IL18BP: variants seen among roughly 807,000 people sequenced by gnomAD.
IL18BP encodes interleukin 18 binding protein, also known as interleukin-18-binding protein.
IL18BP carries 23 observed loss-of-function variants against 19.9 expected under a neutral mutation model. The observed-to-expected ratio is 1.15, with a 90% confidence interval of 0.83 to 1.64. The LOEUF (loss-of-function observed/expected upper bound fraction) is 1.64. IL18BP is among the 40% of genes most tolerant of loss of function. The pLI, the probability that IL18BP is intolerant of heterozygous loss-of-function variation, is 0.00. For missense variants in IL18BP, 239 were observed against 240.7 expected (o/e 0.99, Z 0.05); for synonymous variants, 107 against 101.0 (o/e 1.06, Z -0.35).
downstream of IL18BP, chr11:72,003,314 T>TAG (rs1233521041): frequency 1.5e-5 from 9 of 592,384 alleles, no homozygotes; most frequent in Admixed American, 2.7e-4. Flanking sequence ...GCGCCCACAC[T>TAG]GTCCATGCTC....
At chr11:72,004,180 G>A (rs1194161121), downstream of IL18BP, 1 of 1,603,678 alleles carries the variant, frequency 6.2e-7, no homozygotes, top group East Asian at 2.2e-5. Flanking sequence ...TATCAGCAAG[G>A]TCCCGCCAGG....
At chr11:72,008,122 A>G (rs974470100), downstream of IL18BP, 3 of 479,228 alleles carry the variant, frequency 6.3e-6, no homozygotes, top group Admixed American at 2.3e-5. Context: ...CAAATCAGGT[A>G]TAATTGTCAT....
chr11:72,005,491 C>A, downstream of IL18BP: 13 of 885,370 alleles, frequency 1.5e-5, no homozygotes, highest in South Asian at 2.0e-4. Context: ...GCACACCAGT[C>A]TGATTCAGTG....
chr11:72,005,215 A>G (rs758550791), downstream of IL18BP: 2 of 1,575,112 alleles, frequency 1.3e-6, no homozygotes, highest in Admixed American at 3.8e-5. Context: ...GGCCCTGCAC[A>G]GTGACCCCAG....
chr11:71,999,768 G>A (rs1475099076), intron 1 of IL18BP, 159 bp from the exon 2 acceptor site: 6 of 583,374 alleles, frequency 1.0e-5, no homozygotes, highest in African/African-American at 9.4e-5. Context: ...TGAGAGCTGG[G>A]GTGGGGAAGG....
Position 72,001,298 on chromosome 11 carries a change from A to G in IL18BP, c.333A>G (p.Pro111=). ...LGNGSFIEHL[P]GRLWEGSTSR... ...ATGGTTCCTTCATTGAGCACCTCCC[A>G]GGCCGACTGTGGGAGGGGAGCACCA... The change falls in exon 4 of 6, where the codon CCA becomes CCG. Residue 111 remains proline (P), a synonymous_variant. Transcript: ENST00000393703. 6.2e-7 allele frequency: 1 copy of G among 1,614,222 alleles called. No homozygotes were observed. The highest frequency in any genetic ancestry group is 8.5e-7 in the Non-Finnish European group (1 of 1,180,040).
downstream of IL18BP, chr11:72,007,410 C>T (rs1366155202): frequency 4.3e-6 from 7 of 1,613,686 alleles, no homozygotes; most frequent in African/African-American, 1.3e-5. Context: ...ACGCTGGTGC[C>T]GTCTGGCTGG....
chr11:72,004,478 C>G, downstream of IL18BP: 1 of 1,200,874 alleles, frequency 8.3e-7, no homozygotes, highest in Non-Finnish European at 1.2e-6. Context: ...TGGGCCAGAT[C>G]CTTCCCTTCC....
chr11:72,006,827 T>C (rs2735787), downstream of IL18BP, among the ~76,000 whole-genome samples: 141,182 of 152,306 alleles, frequency 0.93, 65,681 homozygotes, highest in Non-Finnish European at 0.98. Flanking sequence ...CAAGGGCCTG[T>C]AGCCTGTCAG....
At position 72,001,893 on chromosome 11, in the gene IL18BP, T is replaced by C; in HGVS notation, c.*32T>C. On this transcript the variant is annotated 3_prime_UTR_variant, in exon 6 of 6. Transcript: ENST00000393703. ...GCACAGGGCCAGCAGCAGCACAACC[T>C]TGACCAGAGCTTGGGTCCTACCTGT... The C allele has an allele frequency of 6.2e-7, 1 of 1,613,832 alleles. No homozygotes were observed. The highest frequency in any genetic ancestry group is 8.5e-7 in the Non-Finnish European group (1 of 1,179,836).
chr11:71,999,974 A>G lies in IL18BP; in HGVS notation c.-11A>G. 1 of 1,613,812 alleles carries G rather than the reference A, an allele frequency of 6.2e-7. No individual in the cohort carries two copies. The highest frequency in any genetic ancestry group is 1.1e-5 in the South Asian group (1 of 91,058). ...AAAGAGCCAGGCTCACCAGCTCCTG[A>G]CGCATGCATCATGACCATGAGACAC... On this transcript the variant is annotated 5_prime_UTR_variant, in exon 2 of 6. Coordinates refer to ENST00000393703, the MANE Select transcript of IL18BP (RefSeq NM_001039660.2).
downstream of IL18BP, chr11:72,004,298 C>T (rs200315034): frequency 1.9e-5 from 30 of 1,613,244 alleles, no homozygotes; most frequent in Middle Eastern, 1.6e-4. Flanking sequence ...ATGTCGGTCT[C>T]GGGGAGTCAT....
chr11:72,000,920 G>A (rs1393034825), intron 3 of IL18BP, among the ~76,000 whole-genome samples: 4 of 152,222 alleles, frequency 2.6e-5, no homozygotes, highest in African/African-American at 7.2e-5. Flanking sequence ...CCAAGTCACC[G>A]AGGCTGGGCA....
downstream of IL18BP, chr11:72,007,172 T>TCC: frequency 6.2e-7 from 1 of 1,604,416 alleles, no homozygotes; most frequent in Non-Finnish European, 8.5e-7. Context: ...CTGCAGCCCC[T>TCC]GTCCCAGCAG....
chr11:72,004,856 A>G (rs1955574658), downstream of IL18BP: 3 of 1,515,948 alleles, frequency 2.0e-6, no homozygotes, highest in East Asian at 2.3e-5. Flanking sequence ...CCATAGCTGT[A>G]TGGAGATGGA....
chr11:72,000,276 G>A, intron 2 of IL18BP, 75 bp from the exon 3 acceptor site: 1 of 1,329,166 alleles, frequency 7.5e-7, no homozygotes, highest in African/African-American at 1.4e-5. Flanking sequence ...GACATCTCTG[G>A]GCTGGAGTTA....
chr11:72,002,402 G>GT lies in IL18BP; in HGVS notation c.*551dup, dbSNP rs5792567. 0.82 allele frequency: 125,342 copies of GT among 152,958 alleles called. 52,523 individuals carry two copies. Among genetic ancestry groups the GT allele is most frequent in the Non-Finnish European group, 0.92 (64,043 of 69,298 alleles). The allele number at this position is 152,958 out of a possible 1,614,324, so 9.5% of individuals were successfully genotyped here. A position where few individuals can be genotyped will look rare whatever the true frequency, so the allele number is the denominator to read the frequency against. ...CAGACTTCCTATCTTCGTGCTGTATGTTTTTTTTTTCCCCCTTCACTCTAA... is the reference window on the plus strand; with the variant it reads ...CAGACTTCCTATCTTCGTGCTGTATGTTTTTTTTTTTCCCCCTTCACTCTAA... On this transcript the variant is annotated 3_prime_UTR_variant, in exon 6 of 6. Coordinates refer to ENST00000393703, the MANE Select transcript of IL18BP (RefSeq NM_001039660.2).
At chr11:72,004,817 C>A, downstream of IL18BP, 1 of 1,564,766 alleles carries the variant, frequency 6.4e-7, no homozygotes, top group South Asian at 1.2e-5. Flanking sequence ...TCAGGGAAGG[C>A]TGCATGGGTG....
downstream of IL18BP, chr11:72,006,012 G>T (rs1448186759): frequency 3.2e-6 from 5 of 1,567,574 alleles, no homozygotes; most frequent in Non-Finnish European, 4.4e-6. Context: ...TTGGGGTATA[G>T]TAAGTCCCTG....
Sources: gnomAD v4.1 joint callset for allele counts (sites outside exome capture counted in the v4.1 genomes callset) on GRCh38, gnomAD v4.1.1 for gene constraint, MANE v1.5 for transcripts, NCBI Gene and HGNC (gene_info 2026-07-23, HGNC 2026-07-21) for gene names.